The following NINJ2 variants were observed in gnomAD, a reference collection of about 807,000 sequenced individuals.
NINJ2 encodes the protein ninjurin-2.
A neutral mutation model predicts 11.7 loss-of-function variants in NINJ2; 12 were observed. That is an observed-to-expected ratio of 1.02 (90% CI 0.66 to 1.66). The LOEUF is 1.66. Among genes scored for constraint, NINJ2 ranks in the 40% most tolerant of loss-of-function variants. NINJ2 has a pLI of 0.00. For synonymous variants in NINJ2, 93 were observed against 76.8 expected (o/e 1.21, Z -1.10); for missense variants, 187 against 181.8 (o/e 1.03, Z -0.16).
chr12:658,844 G>T (rs1261710787), intron 1 of NINJ2, among the ~76,000 whole-genome samples: 4 of 151,942 alleles, frequency 2.6e-5, no homozygotes, highest in Non-Finnish European at 5.9e-5. Context: ...GGGTCATAAT[G>T]ATGTGTCAAT....
intron 1 of NINJ2, among the ~76,000 whole-genome samples, chr12:618,695 G>C (rs35981192): frequency 0.18 from 27,290 of 152,156 alleles, 2,555 homozygotes; most frequent in Middle Eastern, 0.33. Context: ...ATCAGGAGCC[G>C]AATTGCCTCT....
In NINJ2 at chr12:591,980, C is replaced by G. The variant is rs1271679144; in HGVS notation, c.34-25802G>C. Among the ~76,000 whole-genome samples, 1 of 151,948 alleles carries G rather than the reference C, an allele frequency of 6.6e-6. No individual in the cohort carries two copies. Among genetic ancestry groups the G allele is most frequent in the African/African-American group, 2.4e-5 (1 of 41,358 alleles). On this transcript the variant is annotated intron_variant, in intron 1 of 3. Coordinates refer to ENST00000305108, the MANE Select transcript of NINJ2 (RefSeq NM_016533.6). This position sits in a 1 kb window ranked among gnomAD's most constrained non-coding sequence, Gnocchi z 5.0. ...TGCTCTGCTCATCCTTCCAACTGCT[C>G]CTTTAGCCTGAAGGCCTGGAGCCCC...
At chr12:567,263 C>T (rs1947313532) in intron 1 of NINJ2, among the ~76,000 whole-genome samples, 1 of 151,572 alleles carries the variant, frequency 6.6e-6, no homozygotes, top group African/African-American at 2.4e-5. Flanking sequence ...ATGCTATGGC[C>T]TGGAGGTAGG....
rs986624340 is a variant in NINJ2 at position 591,110 on chromosome 12, G to A, written c.34-24932C>T. On this transcript the variant is annotated intron_variant, in intron 1 of 3. Transcript: ENST00000305108. The surrounding 1 kb of genome is among the most constrained non-coding windows in gnomAD (Gnocchi z 5.0). ...TATAGGGAGGTGGCAGAGAAAAGAA[G>A]TTCAGCGAGAGTGGTGCCTCTTTTC... The A allele has an allele frequency of 6.6e-6, 1 of 152,292 alleles. No homozygotes were observed. The highest frequency in any genetic ancestry group is 2.4e-5 in the African/African-American group (1 of 41,470). The allele number at this position is 152,292 out of a possible 1,614,324, so 9.4% of individuals were successfully genotyped here.
chr12:566,218 G>C, intron 1 of NINJ2, 40 bp from the exon 2 acceptor site: 3 of 1,546,044 alleles, frequency 1.9e-6, no homozygotes, highest in Non-Finnish European at 2.7e-6. Flanking sequence ...GGGGAGCTCT[G>C]GAAGGGAAGC....
intron 1 of NINJ2, among the ~76,000 whole-genome samples, chr12:575,638 C>A (rs2120812508): frequency 6.6e-6 from 1 of 152,326 alleles, no homozygotes; most frequent in South Asian, 2.1e-4. Context: ...GCACACGGAC[C>A]CCATCTTCCA....
chr12:611,487 A>G (rs1172382598), intron 1 of NINJ2, among the ~76,000 whole-genome samples: 2 of 151,998 alleles, frequency 1.3e-5, no homozygotes, highest in Non-Finnish European at 2.9e-5. Flanking sequence ...GCAAGGGCAC[A>G]CCACCACACC....
At chr12:631,160 G>A (rs1948276100) in intron 1 of NINJ2, among the ~76,000 whole-genome samples, 1 of 152,110 alleles carries the variant, frequency 6.6e-6, no homozygotes. Context: ...GCTCAACCTA[G>A]TAATTTGGAG....
chr12:617,484 T>C (rs1001350891), intron 1 of NINJ2, among the ~76,000 whole-genome samples: 2 of 152,218 alleles, frequency 1.3e-5, no homozygotes, highest in African/African-American at 4.8e-5. Context: ...GAGGCAAGTG[T>C]CCTGGCTGAA....
chr12:584,741 G>A (rs1947608544), intron 1 of NINJ2, among the ~76,000 whole-genome samples: 1 of 152,128 alleles, frequency 6.6e-6, no homozygotes, highest in African/African-American at 2.4e-5. Context: ...GGGAGGTGGA[G>A]GTTGCAGTGA....
chr12:600,653 GGTGTGTGTGTGTGTGTGTGTGTGTGT>G (rs58255968), intron 1 of NINJ2, among the ~76,000 whole-genome samples: 19 of 141,950 alleles, frequency 1.3e-4, no homozygotes, highest in Non-Finnish European at 2.6e-4. Context: ...ATTTTTTTGG[GGTGTGTGTGTGTGTGTGTGTGTGTGT>G]GTGTGTGTGT....
At chr12:596,960 G>A (rs755598465) in intron 1 of NINJ2, among the ~76,000 whole-genome samples, 2 of 151,896 alleles carry the variant, frequency 1.3e-5, no homozygotes, top group Non-Finnish European at 2.9e-5. Flanking sequence ...ATTCACAGTC[G>A]AAAAGATAAA....
intron 1 of NINJ2, chr12:644,195 A>G (rs990152343): frequency 3.2e-5 from 5 of 153,966 alleles, no homozygotes; most frequent in Admixed American, 1.3e-4. Context: ...TTATTATGTA[A>G]CAGACATTGT....
At chr12:629,921 A>ATATATATATATATATG (rs1948258351) in intron 1 of NINJ2, among the ~76,000 whole-genome samples, 1 of 111,190 alleles carries the variant, frequency 9.0e-6, no homozygotes, top group African/African-American at 3.1e-5. Flanking sequence ...ATATATATAT[A>ATATATATATATATATG]TGAAGTTTCT....
At chr12:595,177 C>T (rs12425552) in intron 1 of NINJ2, among the ~76,000 whole-genome samples, 41,762 of 151,876 alleles carry the variant, frequency 0.27, 6,137 homozygotes, top group South Asian at 0.37. Flanking sequence ...CTACACGCTT[C>T]GCAAAAGTTA....
intron 1 of NINJ2, among the ~76,000 whole-genome samples, chr12:660,494 C>A (rs1231412483): frequency 1.3e-5 from 2 of 151,816 alleles, no homozygotes; most frequent in African/African-American, 2.4e-5. Context: ...GCGTACACCA[C>A]CACGCCTAGC....
chr12:629,894 A>AAAAAAAAAAAAAAAAAAT (rs1948253563), intron 1 of NINJ2, among the ~76,000 whole-genome samples: 1 of 16,572 alleles, frequency 6.0e-5, no homozygotes, highest in African/African-American at 9.3e-5. Context: ...AAAAAAAAAA[A>AAAAAAAAAAAAAAAAAAT]AAATATATAT....
intron 1 of NINJ2, among the ~76,000 whole-genome samples, chr12:588,617 C>G (rs1408529114): frequency 2.0e-5 from 3 of 152,152 alleles, no homozygotes; most frequent in Non-Finnish European, 4.4e-5. Flanking sequence ...AGCCTGCCTT[C>G]AGAGTGTGTG....
intron 1 of NINJ2, among the ~76,000 whole-genome samples, chr12:596,216 C>T (rs750683155): frequency 2.6e-5 from 4 of 152,162 alleles, no homozygotes; most frequent in East Asian, 1.9e-4. Context: ...TGGATGTTTA[C>T]GGAAGCTTTA....
Sources: gnomAD v4.1 joint callset for allele counts (sites outside exome capture counted in the v4.1 genomes callset) on GRCh38, gnomAD v4.1.1 for gene constraint, Gnocchi (gnomAD v3.1) non-coding constraint, MANE v1.5 for transcripts, NCBI Gene and HGNC (gene_info 2026-07-23, HGNC 2026-07-21) for gene names.